The following TENM1 variants were observed in gnomAD, a reference collection of about 807,000 sequenced individuals.
TENM1 encodes teneurin transmembrane protein 1.
A neutral mutation model predicts 174.8 loss-of-function variants in TENM1; 35 were observed. The observed-to-expected ratio is 0.20, with a 90% confidence interval of 0.15 to 0.27. The LOEUF (loss-of-function observed/expected upper bound fraction) is 0.27, where lower values mean the gene tolerates loss of function less well. Ranked by LOEUF, TENM1 falls within the 10% of genes least tolerant of loss-of-function variation. The pLI is 1.00. For missense variants in TENM1, 1,633 were observed against 2,130.1 expected (o/e 0.77, Z 4.59); for synonymous variants, 781 against 798.7 (o/e 0.98, Z 0.37).
intron 3 of TENM1, among the ~76,000 whole-genome samples, chrX:124,807,912 CA>C (rs2055655202): frequency 1.8e-5 from 2 of 109,721 alleles, no homozygotes; most frequent in Non-Finnish European, 3.8e-5. Context: ...CACACACACA[CA>C]CACACAGAGG....
intron 1 of TENM1, among the ~76,000 whole-genome samples, chrX:124,959,474 T>C (rs2058624449): frequency 9.0e-6 from 1 of 111,348 alleles, no homozygotes; most frequent in Non-Finnish European, 1.9e-5. Context: ...GTTTTTGTCC[T>C]TGGCCTTTTT....
intron 23 of TENM1, among the ~76,000 whole-genome samples, chrX:124,436,484 C>A (rs1160287909): frequency 9.1e-6 from 1 of 109,345 alleles, no homozygotes; most frequent in African/African-American, 3.3e-5. Flanking sequence ...CAGAAGCAAC[C>A]AGCTGGCATC....
chrX:125,043,369 T>C, the TENM1 span, among the ~76,000 whole-genome samples: 1 of 65,722 alleles, frequency 1.5e-5, no homozygotes, highest in Middle Eastern at 7.0e-3. Context: ...GAACAGACAC[T>C]TCTCAAAAGA....
At chrX:124,406,953 T>G (rs1418857981) in intron 25 of TENM1, among the ~76,000 whole-genome samples, 1 of 111,724 alleles carries the variant, frequency 9.0e-6, no homozygotes, top group Non-Finnish European at 1.9e-5. Context: ...AAAATTATAA[T>G]TTGCTGCTGT....
At chrX:124,989,489 T>A in the TENM1 span, among the ~76,000 whole-genome samples, 12 of 111,343 alleles carry the variant, frequency 1.1e-4, 1 homozygote, top group East Asian at 3.4e-3. Context: ...AATTACAGAA[T>A]GCTTCCTTTG....
chrX:124,756,707 C>T (rs1314197405), intron 3 of TENM1, among the ~76,000 whole-genome samples: 18 of 105,064 alleles, frequency 1.7e-4, no homozygotes, highest in African/African-American at 5.6e-4. Context: ...TTCCTTCTAA[C>T]AGACAGGACC....
intron 3 of TENM1, among the ~76,000 whole-genome samples, chrX:124,765,953 T>C (rs992290488): frequency 8.9e-6 from 1 of 112,066 alleles, no homozygotes; most frequent in African/African-American, 3.2e-5. Context: ...ACAGTGAATT[T>C]GAAGGATTAA....
intron 11 of TENM1, among the ~76,000 whole-genome samples, chrX:124,591,198 T>C (rs2049731431): frequency 8.9e-6 from 1 of 111,837 alleles, no homozygotes; most frequent in Admixed American, 9.5e-5. Context: ...TGACTCTGTG[T>C]CTTTTAAGTG....
At chrX:124,556,317 C>T (rs930652448) in intron 14 of TENM1, among the ~76,000 whole-genome samples, 1 of 108,842 alleles carries the variant, frequency 9.2e-6, no homozygotes, top group African/African-American at 3.3e-5. Flanking sequence ...GCGGGGGTGG[C>T]ATGCACCTAT....
intron 1 of TENM1, among the ~76,000 whole-genome samples, chrX:124,955,119 C>CG (rs1295149425): frequency 8.9e-6 from 1 of 112,182 alleles, no homozygotes; most frequent in African/African-American, 3.2e-5. Context: ...CATCTACATT[C>CG]ACTTGCACTC....
At chrX:124,537,885 CTGAGA>C (rs1379396586) in intron 15 of TENM1, among the ~76,000 whole-genome samples, 7 of 112,029 alleles carry the variant, frequency 6.2e-5, no homozygotes, top group African/African-American at 2.3e-4. Flanking sequence ...CCTATTCATG[CTGAGA>C]TAAGTTGTAG....
At chrX:124,824,161 T>C (rs1328676296) in intron 3 of TENM1, among the ~76,000 whole-genome samples, 1 of 112,058 alleles carries the variant, frequency 8.9e-6, no homozygotes, top group Non-Finnish European at 1.9e-5. Context: ...CAATATTTAA[T>C]AAAATATTTT....
chrX:124,393,078 C>T (rs952527470), intron 27 of TENM1, among the ~76,000 whole-genome samples: 2 of 110,889 alleles, frequency 1.8e-5, no homozygotes, highest in South Asian at 3.9e-4. Context: ...CTTTTTCTAC[C>T]GTATGGTAGC....
the TENM1 span, among the ~76,000 whole-genome samples, chrX:125,017,258 A>G: frequency 8.9e-6 from 1 of 112,292 alleles, no homozygotes; most frequent in Non-Finnish European, 1.9e-5. Context: ...AAAATAAACT[A>G]TCATCAGAGT....
intron 20 of TENM1, among the ~76,000 whole-genome samples, chrX:124,491,285 A>T (rs2047060245): frequency 8.9e-6 from 1 of 111,761 alleles, no homozygotes; most frequent in Non-Finnish European, 1.9e-5. Flanking sequence ...TGGAATGGGC[A>T]CAATTTTGGA....
Position 124,846,208 on chromosome X carries a change from AACG to A in TENM1, c.535+48085_535+48087del, listed in dbSNP as rs771797986. Among the ~76,000 whole-genome samples the A allele has an allele frequency of 4.5e-5, 5 of 110,653 alleles. No individual in the cohort carries two copies. In the Admixed American group the frequency reaches 4.8e-4, roughly 11 times the overall value. ...CTGCTTTTCTTTGATTGGGAAGAAA[AACG>A]ACATCGGTGGGTGTCAAGCAGCAGG... On this transcript the variant is annotated intron_variant, in intron 3 of 31. Coordinates refer to ENST00000422452, the Ensembl canonical transcript of TENM1.
intron 1 of TENM1, among the ~76,000 whole-genome samples, chrX:124,948,740 G>A (rs1203905918): frequency 8.9e-6 from 1 of 111,940 alleles, no homozygotes; most frequent in African/African-American, 3.2e-5. Context: ...TTTTAATAGA[G>A]ATGGTGTTTC....
intron 18 of TENM1, among the ~76,000 whole-genome samples, chrX:124,510,223 G>A (rs1393643796): frequency 8.9e-6 from 1 of 112,754 alleles, no homozygotes; most frequent in Non-Finnish European, 1.9e-5. Flanking sequence ...TTAAGTCCAA[G>A]GTCACATGGT....
In TENM1 at chrX:124,642,698, T is replaced by C. The variant is rs530523177; in HGVS notation, c.1877-707A>G. Among the ~76,000 whole-genome samples the C allele has an allele frequency of 3.2e-3, 363 of 112,094 alleles. 1 individual carries two copies. The highest frequency in any genetic ancestry group is 0.011 in the African/African-American group (343 of 30,847). On this transcript the variant is annotated intron_variant, in intron 10 of 31. Transcript: ENST00000422452. ...TTCTGTGAGTCTGGAAATTTTTGTA[T>C]ACATTCTAACAAATGTGTATACTGT...
Sources: gnomAD v4.1 joint callset for allele counts (sites outside exome capture counted in the v4.1 genomes callset) on GRCh38, gnomAD v4.1.1 for gene constraint, MANE v1.5 for transcripts, NCBI Gene and HGNC (gene_info 2026-07-23, HGNC 2026-07-21) for gene names.